Variants in ADGRB1 observed in about 807,000 individuals in gnomAD.
ADGRB1 encodes adhesion G protein-coupled receptor B1.
ADGRB1 carries 36 observed loss-of-function variants against 175.7 expected under a neutral mutation model. The observed-to-expected ratio is 0.20, with a 90% CI of 0.16 to 0.27. ADGRB1 has a LOEUF of 0.27. ADGRB1 is among the 10% of genes least tolerant of loss of function. The pLI is 1.00. For synonymous variants in ADGRB1, 1,054 were observed against 979.4 expected (o/e 1.08, Z -1.42); for missense variants, 1,731 against 2,255.3 (o/e 0.77, Z 4.71).
At chr8:142,489,481 CG>C (rs747740405) in intron 16 of ADGRB1, 43 bp downstream of exon 16, 2 of 1,584,098 alleles carry the variant, frequency 1.3e-6, no homozygotes, top group African/African-American at 2.7e-5. Context: ...AGCAGAAACG[CG>C]TGTGCGCGAA....
chr8:142,479,631 C>T (rs1196607142), intron 8 of ADGRB1, 62 bp from the exon 9 acceptor site: 40 of 1,475,802 alleles, frequency 2.7e-5, no homozygotes, highest in Non-Finnish European at 2.9e-5. Context: ...CTTGCACCTT[C>T]CAGAGCCAGC....
chr8:142,544,142 GCCT>G, intron 30 of ADGRB1, 75 bp from the exon 31 acceptor site: 1 of 1,454,894 alleles, frequency 6.9e-7, no homozygotes, highest in Non-Finnish European at 9.3e-7. Flanking sequence ...ATTCGTGTCT[GCCT>G]CCTCCCCCCT....
intron 13 of ADGRB1, among the ~76,000 whole-genome samples, chr8:142,485,430 G>T (rs1414467386): frequency 6.6e-6 from 1 of 152,232 alleles, no homozygotes; most frequent in East Asian, 1.9e-4. Context: ...GCTGGCCCCA[G>T]CTGTGATCCC....
rs919965863 is a variant in ADGRB1 at position 142,461,541 on chromosome 8, C to T, written c.-219-2439C>T. 3.9e-5 allele frequency among the ~76,000 whole-genome samples: 6 copies of T among 152,202 alleles called. No homozygotes were observed. The East Asian group carries it at 5.8e-4, about 15-fold the overall frequency. On this transcript the variant is annotated intron_variant, in intron 1 of 30. Transcript: ENST00000517894. ...GTGGGATGACCGAGGCCCTAGACTC[C>T]GTGCCCGGCCGCAGGCCCACAGAGG... is the stretch of plus-strand genomic sequence containing the variant.
intron 22 of ADGRB1, among the ~76,000 whole-genome samples, chr8:142,522,925 G>A (rs1265729296): frequency 6.6e-6 from 1 of 152,250 alleles, no homozygotes; most frequent in Non-Finnish European, 1.5e-5. Flanking sequence ...AGCGAGCAGT[G>A]GGCAGCAGTA....
In ADGRB1 at chr8:142,511,681, G is replaced by A. The variant is rs1483294780; in HGVS notation, c.2817+608G>A. Among the ~76,000 whole-genome samples, 1 of 152,198 alleles carries A rather than the reference G, an allele frequency of 6.6e-6. No homozygotes were observed. The highest frequency in any genetic ancestry group is 1.5e-5 in the Non-Finnish European group (1 of 68,028). ...GGTTTCTATGGAGACGGCATCTGGG[G>A]TCAGCCGCTGGCAGGGGCCCTGGGT... On this transcript the variant is annotated intron_variant, in intron 18 of 30. Transcript: ENST00000517894. This position sits in a 1 kb window ranked among gnomAD's most constrained non-coding sequence, Gnocchi z 4.5.
In ADGRB1 at chr8:142,524,257, G is replaced by A. The variant is rs753221031; in HGVS notation, c.3265G>A (p.Gly1089Arg). ...TMNYCWLSLEGGLLYAFVGPA... is the reference protein window; with the variant it reads ...TMNYCWLSLERGLLYAFVGPA... ...CCCCAGCTGCTGGCTCTCCCTGGAG[G>A]GGGGACTGCTCTATGCCTTCGTGGG... Residue 1089 changes from glycine to arginine, a missense_variant, in exon 23 of 31, where the codon GGG becomes AGG. Gly to Arg is a moderately radical substitution (Grantham distance 125). Coordinates refer to ENST00000517894, the MANE Select transcript of ADGRB1 (RefSeq NM_001702.3). The A allele has an allele frequency of 5.6e-6, 9 of 1,600,636 alleles. No individual in the cohort carries two copies. Among genetic ancestry groups the A allele is most frequent in the South Asian group, 1.1e-5 (1 of 90,384 alleles).
chr8:142,487,131 A>G (rs911101109), intron 13 of ADGRB1, among the ~76,000 whole-genome samples: 1 of 152,156 alleles, frequency 6.6e-6, no homozygotes, highest in Non-Finnish European at 1.5e-5. Context: ...TCTTGTTCCA[A>G]TGAAATATTT....
In ADGRB1 at chr8:142,532,231, A is replaced by T. The variant is rs142741467; in HGVS notation, c.3399-1064A>T. Reference sequence around the variant, plus strand: ...GCTGTGGGGCCTCCTGCGGGCAGGCACAGGGCCACCTCCCGAGCACTCACC... The same window carrying T: ...GCTGTGGGGCCTCCTGCGGGCAGGCTCAGGGCCACCTCCCGAGCACTCACC... On this transcript the variant is annotated intron_variant, in intron 24 of 30. Transcript: ENST00000517894. Among the ~76,000 whole-genome samples the T allele has an allele frequency of 3.6e-3, 554 of 152,254 alleles. 2 individuals are homozygous for T. Among genetic ancestry groups the T allele is most frequent in the African/African-American group, 0.013 (533 of 41,552 alleles).
rs185641862 is a variant in ADGRB1, at chr8:142,504,302, A to C, written c.2676-6630A>C. ...GGAGCCCTGGAGGGGGAGGCTAATC[A>C]CACAGGATGCGGGGCCTGTGGCCAG... On this transcript the variant is annotated intron_variant, in intron 17 of 30. Coordinates refer to ENST00000517894, the MANE Select transcript of ADGRB1 (RefSeq NM_001702.3). This position sits in a 1 kb window ranked among gnomAD's most constrained non-coding sequence, Gnocchi z 5.6. 3.9e-5 allele frequency among the ~76,000 whole-genome samples: 6 copies of C among 152,264 alleles called. No homozygotes were observed. In the East Asian group the frequency reaches 1.2e-3, roughly 30 times the overall value.
chr8:142,466,037 G>T (rs956933712), intron 2 of ADGRB1, among the ~76,000 whole-genome samples: 2 of 152,208 alleles, frequency 1.3e-5, no homozygotes, highest in Non-Finnish European at 1.5e-5. Context: ...CCTAGGGCAT[G>T]GAGACCCCTT....
At chr8:142,463,283 C>T (rs1195149431) in intron 1 of ADGRB1, among the ~76,000 whole-genome samples, 1 of 152,160 alleles carries the variant, frequency 6.6e-6, no homozygotes, top group Non-Finnish European at 1.5e-5. Flanking sequence ...ACCAGCTGGG[C>T]ACAGGCTGCT....
rs75269923 is a variant in ADGRB1, at chr8:142,492,738, G to A, written c.2675+1923G>A. ...CTGGGGAGCCAGCTCTCTAGCTCTC[G>A]TAAGGGTGGAAAAAGAAAATGCAAG... On this transcript the variant is annotated intron_variant, in intron 17 of 30. Coordinates refer to ENST00000517894, the MANE Select transcript of ADGRB1 (RefSeq NM_001702.3). This position sits in a 1 kb window ranked among gnomAD's most constrained non-coding sequence, Gnocchi z 4.4. Among the ~76,000 whole-genome samples, 2,811 of 152,250 alleles carry A rather than the reference G, an allele frequency of 0.018. 96 individuals carry two copies. Among genetic ancestry groups the A allele is most frequent in the African/African-American group, 0.064 (2,651 of 41,540 alleles).
chr8:142,465,421 A>C (rs1050317440), intron 2 of ADGRB1, among the ~76,000 whole-genome samples: 5 of 152,214 alleles, frequency 3.3e-5, no homozygotes, highest in Admixed American at 2.6e-4. Flanking sequence ...TGGGGACTGC[A>C]GGAGCCTCTG....
In ADGRB1 at chr8:142,481,630, G is replaced by C; in HGVS notation, c.2049G>C (p.Leu683=). 1 of 1,607,060 alleles carries C rather than the reference G, an allele frequency of 6.2e-7. No homozygotes were observed. The highest frequency in any genetic ancestry group is 8.5e-7 in the Non-Finnish European group (1 of 1,176,738). Residue 683 remains leucine, a synonymous_variant, in exon 11 of 31, where the codon CTG becomes CTC. Coordinates refer to ENST00000517894, the MANE Select transcript of ADGRB1 (RefSeq NM_001702.3). ...SQDGTSYSGD[L]LSTIDVLRNM... ...ACGGGACCAGCTACAGTGGGGACCT[G>C]CTGTCCACCATCGATGTCCTGAGGA...
chr8:142,542,715 T>TGCTGGGTGGGACCCCCACGCCGTCA lies in ADGRB1; in HGVS notation c.4413+71_4413+95dup. 2.2e-6 allele frequency: 3 copies of TGCTGGGTGGGACCCCCACGCCGTCA among 1,382,886 alleles called. No homozygotes were observed. The highest frequency in any genetic ancestry group is 2.9e-6 in the Non-Finnish European group (3 of 1,027,898). The allele number at this position is 1,382,886 out of a possible 1,614,324, so 85.7% of individuals were successfully genotyped here. A position where few individuals can be genotyped will look rare whatever the true frequency, so the allele number is the denominator to read the frequency against. Reference sequence around the variant, plus strand: ...AGGGCTGCAGCAGCTGGGTCACCCCTGCTGGGTGGGACCCCCACGCCGTCA... The same window carrying TGCTGGGTGGGACCCCCACGCCGTCA: ...AGGGCTGCAGCAGCTGGGTCACCCCTGCTGGGTGGGACCCCCACGCCGTCAGCTGGGTGGGACCCCCACGCCGTCA... On this transcript the variant is annotated intron_variant, in intron 28 of 30. Coordinates refer to ENST00000517894, the MANE Select transcript of ADGRB1 (RefSeq NM_001702.3). The surrounding 1 kb of genome is among the most constrained non-coding windows in gnomAD (Gnocchi z 6.3).
intron 2 of ADGRB1, among the ~76,000 whole-genome samples, chr8:142,470,799 C>G (rs1242521607): frequency 6.6e-6 from 1 of 152,122 alleles, no homozygotes; most frequent in Admixed American, 6.5e-5. Context: ...CCTCCCTGCC[C>G]TGCCTCCAGG....
At position 142,543,034 on chromosome 8, in the gene ADGRB1, G is replaced by A. The variant is rs868840052; in HGVS notation, c.4414-369G>A. On this transcript the variant is annotated intron_variant, in intron 28 of 30. Coordinates refer to ENST00000517894, the MANE Select transcript of ADGRB1 (RefSeq NM_001702.3). This position sits in a 1 kb window ranked among gnomAD's most constrained non-coding sequence, Gnocchi z 4.4. Reference sequence around the variant, plus strand: ...TAGGATGTTGTTTTTGGGGGAGCCCGTCCCCACAGGATATGCTCCCACCAT... The same window carrying A: ...TAGGATGTTGTTTTTGGGGGAGCCCATCCCCACAGGATATGCTCCCACCAT... Among the ~76,000 whole-genome samples, 59 of 152,298 alleles carry A rather than the reference G, an allele frequency of 3.9e-4. No individual in the cohort carries two copies. The Middle Eastern group carries it at 0.01, about 26-fold the overall frequency.
intron 2 of ADGRB1, among the ~76,000 whole-genome samples, chr8:142,471,007 T>C (rs1329996862): frequency 1.3e-5 from 2 of 152,012 alleles, no homozygotes; most frequent in Non-Finnish European, 2.9e-5. Context: ...GGAGTCAGGA[T>C]TGGAGTGGAG....
Sources: allele counts gnomAD v4.1 joint callset (sites outside exome capture counted in the v4.1 genomes callset), GRCh38; gene constraint gnomAD v4.1.1; non-coding constraint Gnocchi (gnomAD v3.1); transcripts MANE v1.5; gene names NCBI Gene and HGNC (gene_info 2026-07-23, HGNC 2026-07-21).